Variants in PSD3 observed in about 807,000 individuals in gnomAD.
PSD3 encodes the protein pleckstrin and Sec7 domain containing 3.
In PSD3, 49 loss-of-function variants were observed where a neutral mutation model predicts 105.5. That is an observed-to-expected ratio of 0.46 (90% confidence interval 0.37 to 0.59). The LOEUF (loss-of-function observed/expected upper bound fraction) is 0.59, where lower values mean the gene tolerates loss of function less well. Ranked by LOEUF, PSD3 falls within the 20% of genes least tolerant of loss-of-function variation. The probability of loss-of-function intolerance (pLI) is 0.00; values close to 1 mark genes in which losing one functional copy is unlikely to be tolerated. For missense variants in PSD3, 1,561 were observed against 1,263.8 expected (o/e 1.24, Z -3.57); for synonymous variants, 557 against 457.8 (o/e 1.22, Z -2.77).
At chr8:18,755,891 T>C (rs1467595007) in intron 9 of PSD3, among the ~76,000 whole-genome samples, 1 of 152,108 alleles carries the variant, frequency 6.6e-6, no homozygotes, top group Admixed American at 6.5e-5. Context: ...ATTCTGCCCA[T>C]GATGAGCACG....
rs2410583 is a variant in PSD3 at position 18,835,450 on chromosome 8, T to A, written c.1635-30552A>T. Among the ~76,000 whole-genome samples the A allele has an allele frequency of 9.6e-3, 1,455 of 152,314 alleles. 22 individuals carry two copies. Among genetic ancestry groups the A allele is most frequent in the African/African-American group, 0.032 (1,328 of 41,558 alleles). On this transcript the variant is annotated intron_variant, in intron 4 of 15. Transcript: ENST00000327040. ...TAGTATTTATTGAGTGCCTACTACA[T>A]ACTACATTCCAGGAACTTTTCTAGA... is the stretch of plus-strand genomic sequence containing the variant.
chr8:18,612,540 G>A (rs997820850), intron 11 of PSD3, among the ~76,000 whole-genome samples: 2 of 151,958 alleles, frequency 1.3e-5, no homozygotes, highest in African/African-American at 2.4e-5. Context: ...CCTGGATAAT[G>A]TTGTTGTATT....
chr8:18,952,846 T>C (rs1371513278), intron 1 of PSD3, among the ~76,000 whole-genome samples: 1 of 152,162 alleles, frequency 6.6e-6, no homozygotes, highest in African/African-American at 2.4e-5. Context: ...CCAAACAACT[T>C]ATTGAGGAGA....
At chr8:18,864,382 G>A (rs1816673466) in intron 4 of PSD3, among the ~76,000 whole-genome samples, 2 of 152,138 alleles carry the variant, frequency 1.3e-5, no homozygotes, top group South Asian at 4.1e-4. Flanking sequence ...TTATGAGAAC[G>A]AAGCATCATG....
In PSD3 at chr8:18,614,406, C is replaced by T. The variant is rs1436439567; in HGVS notation, c.2411-13972G>A. ...GATGGCATCATTCAACAAATATTAC[C>T]GGGAATTTTTTTTTTTTTAGTGCTT... is the stretch of plus-strand genomic sequence containing the variant. On this transcript the variant is annotated intron_variant, in intron 11 of 15. Transcript: ENST00000327040. Among the ~76,000 whole-genome samples, 16 of 133,696 alleles carry T rather than the reference C, an allele frequency of 1.2e-4. No individual in the cohort carries two copies. In the East Asian group the frequency reaches 1.7e-3, roughly 14 times the overall value. The allele number at this position is 133,696 out of a possible 152,430, so 87.7% of individuals were successfully genotyped here.
intron 9 of PSD3, among the ~76,000 whole-genome samples, chr8:18,684,974 G>A (rs556193424): frequency 1.3e-5 from 2 of 152,280 alleles, no homozygotes; most frequent in East Asian, 1.9e-4. Context: ...TCAGGATTGC[G>A]ATGTCTCACT....
chr8:19,001,105 T>TTA, intron 1 of PSD3, among the ~76,000 whole-genome samples: 1 of 121,686 alleles, frequency 8.2e-6, no homozygotes, highest in South Asian at 2.8e-4. Context: ...TAAAATGACT[T>TTA]TTTTTTTTAG....
At chr8:18,911,654 T>A (rs1199459837) in intron 2 of PSD3, among the ~76,000 whole-genome samples, 4 of 152,210 alleles carry the variant, frequency 2.6e-5, no homozygotes, top group Admixed American at 6.5e-5. Flanking sequence ...CAATTTGGTG[T>A]GATAAAACAG....
intron 9 of PSD3, among the ~76,000 whole-genome samples, chr8:18,702,864 A>G (rs1024510268): frequency 1.3e-5 from 2 of 151,984 alleles, no homozygotes; most frequent in Admixed American, 6.6e-5. Context: ...CGCCCGCCTC[A>G]GCCTCCCAAA....
chr8:18,653,562 C>A (rs912788095), intron 10 of PSD3, among the ~76,000 whole-genome samples: 9 of 152,096 alleles, frequency 5.9e-5, no homozygotes, highest in Admixed American at 5.2e-4. Context: ...CCAGCTACTA[C>A]ATGAAAAAGC....
intron 9 of PSD3, among the ~76,000 whole-genome samples, chr8:18,739,379 G>A (rs1804391807): frequency 6.6e-6 from 1 of 152,098 alleles, no homozygotes; most frequent in African/African-American, 2.4e-5. Flanking sequence ...AGTATTTAAA[G>A]AAACAAGAGG....
intron 8 of PSD3, among the ~76,000 whole-genome samples, chr8:18,775,978 G>T (rs564598462): frequency 6.6e-6 from 1 of 152,032 alleles, no homozygotes; most frequent in Non-Finnish European, 1.5e-5. Context: ...CATATTTTTA[G>T]TTCTTACATT....
At chr8:19,047,966 GA>G (rs1490052685) in intron 1 of PSD3, among the ~76,000 whole-genome samples, 2 of 152,044 alleles carry the variant, frequency 1.3e-5, no homozygotes, top group African/African-American at 4.8e-5. Flanking sequence ...GAAGCAGCAT[GA>G]AAATTCACCT....
chr8:18,609,896 A>G (rs184928223), intron 11 of PSD3, among the ~76,000 whole-genome samples: 1 of 152,328 alleles, frequency 6.6e-6, no homozygotes, highest in African/African-American at 2.4e-5. Flanking sequence ...GCTTGAAGCA[A>G]TCAAGTCCAA....
At chr8:18,769,679 TTTTCTTTATACAGA>T (rs1807330587) in intron 8 of PSD3, among the ~76,000 whole-genome samples, 1 of 152,204 alleles carries the variant, frequency 6.6e-6, no homozygotes, top group Non-Finnish European at 1.5e-5. Context: ...CAAATCTGCA[TTTTCTTTATACAGA>T]TTTGCCTATT....
chr8:18,586,785 G>C (rs1803220416), intron 12 of PSD3, among the ~76,000 whole-genome samples: 1 of 152,176 alleles, frequency 6.6e-6, no homozygotes, highest in Non-Finnish European at 1.5e-5. Flanking sequence ...CAGCCGCAAG[G>C]GGGAAAATGG....
intron 11 of PSD3, among the ~76,000 whole-genome samples, chr8:18,623,197 C>T (rs1194029912): frequency 1.3e-5 from 2 of 151,028 alleles, no homozygotes; most frequent in East Asian, 2.0e-4. Flanking sequence ...CGTTTTCTGT[C>T]GCTACGGATT....
At chr8:18,766,762 T>C (rs921605932) in intron 8 of PSD3, among the ~76,000 whole-genome samples, 2 of 152,210 alleles carry the variant, frequency 1.3e-5, no homozygotes, top group African/African-American at 4.8e-5. Flanking sequence ...AATATCAACA[T>C]TATCTTGTGA....
In PSD3 at chr8:18,761,876, T is replaced by G. The variant is rs78564133; in HGVS notation, c.2172+3573A>C. 5.1e-3 allele frequency among the ~76,000 whole-genome samples: 771 copies of G among 152,304 alleles called. 6 individuals carry two copies. The highest frequency in any genetic ancestry group is 0.018 in the African/African-American group (747 of 41,568). On this transcript the variant is annotated intron_variant, in intron 9 of 15. Coordinates refer to ENST00000327040, the MANE Select transcript of PSD3 (RefSeq NM_015310.4). The stretch of plus-strand genomic sequence containing the variant: ...AACTTGTAAGACAGTAGCAAATTTT[T>G]CTGTGTTTATCTGTACTATGTGAAT...
Sources: allele counts gnomAD v4.1 joint callset (sites outside exome capture counted in the v4.1 genomes callset), GRCh38; gene constraint gnomAD v4.1.1; transcripts MANE v1.5; gene names NCBI Gene and HGNC (gene_info 2026-07-23, HGNC 2026-07-21).